Variants in GDPD5 observed in about 807,000 individuals in gnomAD.
GDPD5 encodes glycerophosphodiester phosphodiesterase domain containing 5, also known as glycerophosphodiester phosphodiesterase 2.
Under a neutral mutation model 75.1 loss-of-function variants are expected in GDPD5, and 48 were observed. The ratio of observed to expected loss-of-function variants is 0.64; its 90% CI spans 0.51 to 0.81. The LOEUF (loss-of-function observed/expected upper bound fraction) is 0.81. GDPD5 is among the 40% of genes least tolerant of loss of function. The probability of loss-of-function intolerance (pLI) is 0.00; values close to 1 mark genes in which losing one functional copy is unlikely to be tolerated. For synonymous variants in GDPD5, 336 were observed against 339.0 expected, an observed-to-expected ratio of 0.99 and a Z score of 0.10; for missense variants, 706 against 822.6, an observed-to-expected ratio of 0.86 and a Z score of 1.73.
At chr11:75,474,152 C>T (rs929165215) in intron 3 of GDPD5, among the ~76,000 whole-genome samples, 2 of 152,202 alleles carry the variant, frequency 1.3e-5, no homozygotes, top group African/African-American at 4.8e-5. Context: ...AACTCCCTTG[C>T]TCTTCCTGGA....
chr11:75,449,717 C>T, intron 7 of GDPD5, 107 bp from the exon 8 acceptor site: 1 of 1,312,982 alleles, frequency 7.6e-7, no homozygotes, highest in Non-Finnish European at 1.1e-6. Context: ...CTGTCTCCAT[C>T]TGCCAACTGG....
At chr11:75,442,660 G>T in intron 11 of GDPD5, 79 bp from the exon 12 acceptor site, 2 of 1,306,608 alleles carry the variant, frequency 1.5e-6, no homozygotes, top group Non-Finnish European at 2.2e-6. Flanking sequence ...GCAACCAAGC[G>T]TGGAGACCCC....
At chr11:75,458,876 G>A (rs1592088425) in intron 4 of GDPD5, among the ~76,000 whole-genome samples, 1 of 152,094 alleles carries the variant, frequency 6.6e-6, no homozygotes, top group Non-Finnish European at 1.5e-5. Flanking sequence ...TTGACCTCCT[G>A]GGCTCAAGCA....
intron 1 of GDPD5, chr11:75,508,429 T>C (rs1028204147): frequency 1.3e-5 from 2 of 152,184 alleles, no homozygotes; most frequent in African/African-American, 2.4e-5. Context: ...CCTTGTGACG[T>C]TGGCCTTATC....
At chr11:75,465,452 C>G (rs908655374) in intron 3 of GDPD5, among the ~76,000 whole-genome samples, 2 of 152,210 alleles carry the variant, frequency 1.3e-5, no homozygotes, top group Non-Finnish European at 1.5e-5. Flanking sequence ...GGCTCAGACC[C>G]CACAGTTCTA....
At chr11:75,462,199 T>C (rs1429544604) in intron 4 of GDPD5, among the ~76,000 whole-genome samples, 3 of 152,186 alleles carry the variant, frequency 2.0e-5, no homozygotes, top group Non-Finnish European at 2.9e-5. Context: ...CTGCCCCGGT[T>C]GAGCCCTGGC....
intron 14 of GDPD5, among the ~76,000 whole-genome samples, chr11:75,440,551 A>C (rs1948763806): frequency 6.6e-6 from 1 of 152,026 alleles, no homozygotes; most frequent in Non-Finnish European, 1.5e-5. Context: ...GCAGATTTTA[A>C]TTGTTTCCTA....
At chr11:75,454,980 G>T (rs1419913510) in intron 6 of GDPD5, among the ~76,000 whole-genome samples, 2 of 152,314 alleles carry the variant, frequency 1.3e-5, no homozygotes, top group South Asian at 2.1e-4. Context: ...GAGCTCTGGG[G>T]AACTCCCTCC....
intron 3 of GDPD5, among the ~76,000 whole-genome samples, chr11:75,466,061 G>A (rs1949508634): frequency 6.6e-6 from 1 of 152,218 alleles, no homozygotes; most frequent in African/African-American, 2.4e-5. Flanking sequence ...ATGAGGGGCT[G>A]CACCTCCCAC....
intron 3 of GDPD5, among the ~76,000 whole-genome samples, chr11:75,471,102 C>T (rs1949652876): frequency 1.3e-5 from 2 of 152,236 alleles, no homozygotes; most frequent in Non-Finnish European, 2.9e-5. Flanking sequence ...AAATCTTGGG[C>T]ACCTCAGCTC....
chr11:75,443,363 C>T, intron 10 of GDPD5, 77 bp from the exon 11 acceptor site: 1 of 1,482,210 alleles, frequency 6.7e-7, no homozygotes, highest in Non-Finnish European at 9.1e-7. Flanking sequence ...TCACCCCACA[C>T]AGTCCTCCCC....
intron 15 of GDPD5, among the ~76,000 whole-genome samples, chr11:75,439,061 G>A (rs889532985): frequency 1.3e-5 from 2 of 152,206 alleles, no homozygotes; most frequent in Admixed American, 6.5e-5. Context: ...ACACTTTGGT[G>A]CAGAGAGGGG....
In GDPD5 at chr11:75,457,774, G is replaced by A. The variant is rs769533129; in HGVS notation, c.234C>T (p.Asn78=). Residue 78 remains asparagine (N), a synonymous_variant, in exon 5 of 17, where the codon AAC becomes AAT. Coordinates refer to ENST00000336898, the MANE Select transcript of GDPD5 (RefSeq NM_030792.8). ...DYDEFNWYLY[N]RMGYWSDWPV... is the part of the protein sequence containing the mutation. ...GCCAGTCGCTCCAGTAGCCCATGCGGTTGTAGAGGTACCTGCCAGGAGGAG... is the reference window on the plus strand; with the variant it reads ...GCCAGTCGCTCCAGTAGCCCATGCGATTGTAGAGGTACCTGCCAGGAGGAG... 12 of 1,613,830 alleles carry A rather than the reference G, an allele frequency of 7.4e-6. No homozygotes were observed. The highest frequency in any genetic ancestry group is 1.0e-5 in the Non-Finnish European group (12 of 1,179,866).
At chr11:75,493,821 G>C (rs1304177805) in intron 1 of GDPD5, among the ~76,000 whole-genome samples, 1 of 152,036 alleles carries the variant, frequency 6.6e-6, no homozygotes, top group African/African-American at 2.4e-5. Flanking sequence ...CCTTTATTTT[G>C]GCATTTCTTC....
At chr11:75,438,988 C>T (rs1018530466) in intron 15 of GDPD5, 13 of 244,904 alleles carry the variant, frequency 5.3e-5, no homozygotes, top group African/African-American at 9.1e-5. Flanking sequence ...GTGGTGAAGG[C>T]CCCTGTAAGT....
chr11:75,520,311 C>G (rs1399934824), intron 1 of GDPD5, among the ~76,000 whole-genome samples: 1 of 152,232 alleles, frequency 6.6e-6, no homozygotes, highest in Non-Finnish European at 1.5e-5. Context: ...CCTGGACAGG[C>G]ACCCCACTTC....
intron 1 of GDPD5, among the ~76,000 whole-genome samples, chr11:75,523,474 C>T (rs942465132): frequency 1.3e-5 from 2 of 152,196 alleles, no homozygotes; most frequent in East Asian, 3.9e-4. Context: ...AATAACCTCC[C>T]CAGTCTTGGC....
chr11:75,442,621 C>A (rs771982431), intron 11 of GDPD5, 40 bp from the exon 12 acceptor site: 1 of 1,595,360 alleles, frequency 6.3e-7, no homozygotes, highest in South Asian at 1.1e-5. Flanking sequence ...GCATCATCAG[C>A]CCTTTGGGGG....
In GDPD5 at chr11:75,463,620, CAGA is replaced by C. The variant is rs1949460676; in HGVS notation, c.118-734_118-732del. 3.3e-5 allele frequency among the ~76,000 whole-genome samples: 5 copies of C among 152,186 alleles called. No individual in the cohort carries two copies. In the South Asian group the frequency reaches 1.0e-3, roughly 32 times the overall value. On this transcript the variant is annotated intron_variant, in intron 3 of 16. Transcript: ENST00000336898. The stretch of plus-strand genomic sequence containing the variant: ...CATCCCGGGAAACTGCTGAGATCAT[CAGA>C]ACAAGTCAACAGCCCTTGAGGGGAG...
Sources: gnomAD v4.1 joint callset for allele counts (sites outside exome capture counted in the v4.1 genomes callset) on GRCh38, gnomAD v4.1.1 for gene constraint, MANE v1.5 for transcripts, NCBI Gene and HGNC (gene_info 2026-07-23, HGNC 2026-07-21) for gene names.